Variants in SH3RF3 observed in about 807,000 individuals in gnomAD.
SH3RF3 encodes the protein SH3 domain containing ring finger 3.
Under a neutral mutation model 66.3 loss-of-function variants are expected in SH3RF3, and 29 were observed. The ratio of observed to expected loss-of-function variants is 0.44; its 90% confidence interval spans 0.33 to 0.60. SH3RF3 has a LOEUF of 0.60. Among genes scored for constraint, SH3RF3 ranks in the 20% least tolerant of loss-of-function variants. The pLI, the probability that SH3RF3 is intolerant of heterozygous loss-of-function variation, is 0.04. For missense variants in SH3RF3, 1,194 were observed against 1,190.9 expected (o/e 1.00, Z -0.04); for synonymous variants, 583 against 532.0 (o/e 1.10, Z -1.32).
In SH3RF3 at chr2:109,249,215, T is replaced by TC. The variant is rs561604131; in HGVS notation, c.574-98452dup. Among the ~76,000 whole-genome samples, 185 of 152,056 alleles carry TC rather than the reference T, an allele frequency of 1.2e-3. 1 individual carries two copies. Among genetic ancestry groups the TC allele is most frequent in the African/African-American group, 4.0e-3 (165 of 41,462 alleles). ...CACTCGTTAACTTCAGCTAAGCAAC[T>TC]CCCCCCCGACTCCTACCCTGTTCTT... On this transcript the variant is annotated intron_variant, in intron 1 of 9. Coordinates refer to ENST00000309415, the MANE Select transcript of SH3RF3 (RefSeq NM_001099289.3).
intron 1 of SH3RF3, among the ~76,000 whole-genome samples, chr2:109,257,251 G>A (rs1231404290): frequency 2.0e-5 from 3 of 152,128 alleles, no homozygotes; most frequent in East Asian, 1.9e-4. Context: ...CATGTTGTTC[G>A]TTCTGTGGCC....
chr2:109,296,041 T>C (rs896078759), intron 1 of SH3RF3, among the ~76,000 whole-genome samples: 4 of 152,082 alleles, frequency 2.6e-5, no homozygotes, highest in African/African-American at 9.7e-5. Flanking sequence ...GGTGCTGTAA[T>C]GAAGTTTCCT....
chr2:109,178,996 TATA>T (rs1406209668), intron 1 of SH3RF3, among the ~76,000 whole-genome samples: 1 of 142,114 alleles, frequency 7.0e-6, no homozygotes, highest in Non-Finnish European at 1.5e-5. Flanking sequence ...TCTTATAAAG[TATA>T]ATAATGTGTG....
chr2:109,139,843 G>T (rs1676899564), intron 1 of SH3RF3, among the ~76,000 whole-genome samples: 1 of 152,196 alleles, frequency 6.6e-6, no homozygotes, highest in Admixed American at 6.5e-5. Context: ...TGTGTCCATT[G>T]CTTGGCAGTT....
chr2:109,222,867 A>AT (rs1486478670), intron 1 of SH3RF3, among the ~76,000 whole-genome samples: 1 of 152,256 alleles, frequency 6.6e-6, no homozygotes, highest in African/African-American at 2.4e-5. Flanking sequence ...CTGTGACCAC[A>AT]TGGCATCCCC....
intron 1 of SH3RF3, among the ~76,000 whole-genome samples, chr2:109,230,088 T>A (rs980795831): frequency 1.8e-4 from 27 of 152,098 alleles, no homozygotes; most frequent in Non-Finnish European, 3.1e-4. Context: ...CCTCCCAAAG[T>A]GCTGGGATTA....
intron 1 of SH3RF3, among the ~76,000 whole-genome samples, chr2:109,319,386 A>G (rs1448705433): frequency 6.6e-6 from 1 of 152,218 alleles, no homozygotes; most frequent in African/African-American, 2.4e-5. Context: ...CTGTGGGCTC[A>G]GTGGGGTCCC....
intron 3 of SH3RF3, among the ~76,000 whole-genome samples, chr2:109,391,079 A>G (rs11682815): frequency 0.31 from 47,680 of 152,142 alleles, 8,758 homozygotes; most frequent in Non-Finnish European, 0.41. Context: ...TGTCCAGTCC[A>G]TAAGAGGGGG....
At chr2:109,346,262 A>T (rs191624869) in intron 1 of SH3RF3, among the ~76,000 whole-genome samples, 3 of 152,220 alleles carry the variant, frequency 2.0e-5, no homozygotes, top group African/African-American at 7.2e-5. Flanking sequence ...CTGTTTGTCA[A>T]TTTGCCAGCA....
chr2:109,210,489 A>C (rs1176532878), intron 1 of SH3RF3, among the ~76,000 whole-genome samples: 1 of 152,208 alleles, frequency 6.6e-6, no homozygotes, highest in Non-Finnish European at 1.5e-5. Context: ...GCTGCATCCC[A>C]GGGAGACAGT....
At chr2:109,265,181 A>G (rs562901037) in intron 1 of SH3RF3, among the ~76,000 whole-genome samples, 3 of 152,186 alleles carry the variant, frequency 2.0e-5, no homozygotes, top group African/African-American at 7.2e-5. Context: ...GAAGAGAGCC[A>G]GGAGGGTTCC....
At chr2:109,195,998 T>A (rs1272354663) in intron 1 of SH3RF3, among the ~76,000 whole-genome samples, 1 of 152,196 alleles carries the variant, frequency 6.6e-6, no homozygotes. Flanking sequence ...AAACTCCCAT[T>A]TGCAGTAGCA....
intron 1 of SH3RF3, among the ~76,000 whole-genome samples, chr2:109,240,980 A>T (rs1340432727): frequency 6.6e-6 from 1 of 151,990 alleles, no homozygotes; most frequent in African/African-American, 2.4e-5. Flanking sequence ...ACAAGTCCAC[A>T]TCTCCCCAAA....
chr2:109,262,105 G>A (rs1283178858), intron 1 of SH3RF3, among the ~76,000 whole-genome samples: 4 of 152,182 alleles, frequency 2.6e-5, no homozygotes, highest in Non-Finnish European at 4.4e-5. Context: ...AGGTGCCCTC[G>A]GCCTCAGGGC....
chr2:109,463,666 G>A (rs1196538879), intron 8 of SH3RF3, among the ~76,000 whole-genome samples: 1 of 151,980 alleles, frequency 6.6e-6, no homozygotes, highest in Non-Finnish European at 1.5e-5. Context: ...GCTCACAAAA[G>A]AGGAGATGTT....
At chr2:109,171,002 G>A (rs181195955) in intron 1 of SH3RF3, among the ~76,000 whole-genome samples, 2 of 152,292 alleles carry the variant, frequency 1.3e-5, no homozygotes, top group East Asian at 1.9e-4. Context: ...AACCAAGCCC[G>A]GGAGGCACAC....
At chr2:109,383,088 G>A (rs1201616633) in intron 3 of SH3RF3, among the ~76,000 whole-genome samples, 8 of 152,190 alleles carry the variant, frequency 5.3e-5, no homozygotes, top group African/African-American at 1.7e-4. Context: ...CCCTGAGGGC[G>A]GGCCCTGGCT....
intron 1 of SH3RF3, among the ~76,000 whole-genome samples, chr2:109,130,886 A>G (rs186909473): frequency 1.5e-3 from 221 of 152,294 alleles, no homozygotes; most frequent in South Asian, 8.3e-3. Flanking sequence ...ACAGCTTCTT[A>G]TTACACACCC....
At chr2:109,369,410 C>T (rs966745784) in intron 2 of SH3RF3, among the ~76,000 whole-genome samples, 5 of 152,198 alleles carry the variant, frequency 3.3e-5, no homozygotes, top group South Asian at 2.1e-4. Context: ...GCTGGAGGGA[C>T]GCTCTGCTAA....
Sources: gnomAD v4.1 joint callset for allele counts (sites outside exome capture counted in the v4.1 genomes callset) on GRCh38, gnomAD v4.1.1 for gene constraint, MANE v1.5 for transcripts, NCBI Gene and HGNC (gene_info 2026-07-23, HGNC 2026-07-21) for gene names.